The following PPP6R2 variants were observed in gnomAD, a reference collection of about 807,000 sequenced individuals.
PPP6R2 encodes the protein protein phosphatase 6 regulatory subunit 2.
Under a neutral mutation model 100.2 loss-of-function variants are expected in PPP6R2, and 62 were observed. The observed-to-expected ratio is 0.62, with a 90% CI of 0.50 to 0.76. PPP6R2 has a LOEUF of 0.76. Ranked by LOEUF, PPP6R2 falls within the 30% of genes least tolerant of loss-of-function variation. The pLI, the probability that PPP6R2 is intolerant of heterozygous loss-of-function variation, is 0.00. For synonymous variants in PPP6R2, 525 were observed against 514.7 expected (o/e 1.02, Z -0.27); for missense variants, 1,142 against 1,276.3 (o/e 0.89, Z 1.60).
intron 4 of PPP6R2, among the ~76,000 whole-genome samples, chr22:50,411,195 A>T (rs1182778834): frequency 6.6e-6 from 1 of 152,088 alleles, no homozygotes; most frequent in African/African-American, 2.4e-5. Flanking sequence ...GCAGTGGCTC[A>T]CTCCACCCAA....
At chr22:50,442,590 C>G (rs1029106624) in intron 22 of PPP6R2, among the ~76,000 whole-genome samples, 1 of 152,056 alleles carries the variant, frequency 6.6e-6, no homozygotes, top group Non-Finnish European at 1.5e-5. Context: ...TGCTCTGTTG[C>G]CCAGGCTGGA....
rs145492826 is a variant in PPP6R2, at chr22:50,389,847, G to A, written c.-16-4046G>A. Among the ~76,000 whole-genome samples the A allele has an allele frequency of 4.4e-3, 666 of 151,838 alleles. 8 individuals carry two copies. The highest frequency in any genetic ancestry group is 0.015 in the African/African-American group (620 of 41,428). On this transcript the variant is annotated intron_variant, in intron 2 of 23. Coordinates refer to ENST00000612753, the MANE Select transcript of PPP6R2 (RefSeq NM_001242898.2). Reference sequence around the variant, plus strand: ...CAAGTGATCTGCCCGCCTTGGCCCCGCAAAATGCTGGGATTACAGGCATGA... The same window carrying A: ...CAAGTGATCTGCCCGCCTTGGCCCCACAAAATGCTGGGATTACAGGCATGA...
chr22:50,393,467 A>G (rs1459637998), intron 2 of PPP6R2: 9 of 985,048 alleles, frequency 9.1e-6, no homozygotes, highest in Non-Finnish European at 1.1e-5. Context: ...ACCTGGGCGC[A>G]TTCGCCTAAC....
intron 2 of PPP6R2, among the ~76,000 whole-genome samples, chr22:50,376,409 A>T (rs1009510081): frequency 7.2e-5 from 11 of 152,090 alleles, no homozygotes; most frequent in Admixed American, 6.6e-4. Context: ...AACAGACTAT[A>T]AAAAAAGTGT....
chr22:50,418,834 C>G (rs748640954), intron 6 of PPP6R2, 33 bp from the exon 7 acceptor site: 1 of 1,545,932 alleles, frequency 6.5e-7, no homozygotes, highest in Non-Finnish European at 8.9e-7. Context: ...CTTCTCCACA[C>G]TGAGGGACTC....
In PPP6R2 at chr22:50,380,231, C is replaced by CTTT. The variant is rs57158964; in HGVS notation, c.-17+8091_-17+8093dup. On this transcript the variant is annotated intron_variant, in intron 2 of 23. Coordinates refer to ENST00000612753, the MANE Select transcript of PPP6R2 (RefSeq NM_001242898.2). ...AGAAAGAGAAGGTGCCAGTCTTTTT[C>CTTT]TTTTTTTTTTTTGGTATTTTTAGTA... Among the ~76,000 whole-genome samples, 282 of 142,694 alleles carry CTTT rather than the reference C, an allele frequency of 2.0e-3. 1 individual carries two copies. The highest frequency in any genetic ancestry group is 0.012 in the East Asian group (61 of 4,920). The allele number at this position is 142,694 out of a possible 152,430, so 93.6% of individuals were successfully genotyped here.
At chr22:50,436,198 T>C (rs951535629) in intron 13 of PPP6R2, among the ~76,000 whole-genome samples, 169 bp from the exon 14 acceptor site, 3 of 152,234 alleles carry the variant, frequency 2.0e-5, no homozygotes, top group Non-Finnish European at 4.4e-5. Context: ...GCGGCTATGC[T>C]GCCTCTTTCT....
At chr22:50,394,368 T>A (rs1603091426) in intron 3 of PPP6R2, among the ~76,000 whole-genome samples, 1 of 147,620 alleles carries the variant, frequency 6.8e-6, no homozygotes, top group Non-Finnish European at 1.5e-5. Flanking sequence ...GCTGAGGAGG[T>A]TGGATTAATT....
Position 50,418,989 on chromosome 22 carries a change from G to A in PPP6R2, c.731+10G>A, listed in dbSNP as rs530532872. The A allele has an allele frequency of 1.9e-6, 3 of 1,599,758 alleles. No individual in the cohort carries two copies. The highest frequency in any genetic ancestry group is 2.6e-6 in the Non-Finnish European group (3 of 1,167,136). On this transcript the variant is annotated intron_variant, in intron 7 of 23. Transcript: ENST00000612753. ...TCACAGCGCTGGAGTCGTGAGTGCTGGTGGGCCGTGGTGCTGGTGGGCCTC... is the reference window on the plus strand; with the variant it reads ...TCACAGCGCTGGAGTCGTGAGTGCTAGTGGGCCGTGGTGCTGGTGGGCCTC...
At chr22:50,437,640 G>A in intron 16 of PPP6R2, 37 bp downstream of exon 16, 1 of 1,529,350 alleles carries the variant, frequency 6.5e-7, no homozygotes, top group Non-Finnish European at 9.1e-7. Flanking sequence ...ACGAGGCGCG[G>A]CTCTCCCTGC....
intron 7 of PPP6R2, 68 bp from the exon 8 acceptor site, chr22:50,419,281 G>A (rs1368912612): frequency 2.1e-6 from 3 of 1,401,520 alleles, no homozygotes; most frequent in Non-Finnish European, 3.0e-6. Flanking sequence ...GGGGAGGAAG[G>A]AGCATCCTTG....
intron 12 of PPP6R2, 22 bp from the exon 13 acceptor site, chr22:50,434,944 C>T (rs754283181): frequency 8.2e-6 from 13 of 1,590,768 alleles, no homozygotes; most frequent in South Asian, 6.7e-5. Context: ...GAGGCCGCCC[C>T]GATGGTGCCT....
upstream of PPP6R2, chr22:50,343,241 C>G (rs975580145): frequency 6.6e-6 from 1 of 150,684 alleles, no homozygotes; most frequent in Admixed American, 6.6e-5. Context: ...CCCGGCCCCG[C>G]CCACCCGCGC....
chr22:50,396,882 G>A (rs915664246), intron 3 of PPP6R2, among the ~76,000 whole-genome samples: 17 of 152,192 alleles, frequency 1.1e-4, no homozygotes, highest in African/African-American at 4.1e-4. Flanking sequence ...GGCAGCTGCA[G>A]CCAGAAGCTG....
intron 21 of PPP6R2, among the ~76,000 whole-genome samples, chr22:50,440,537 A>T (rs1457546995): frequency 1.3e-5 from 2 of 152,182 alleles, no homozygotes; most frequent in Non-Finnish European, 2.9e-5. Flanking sequence ...CTGTGGCAGG[A>T]CCACACGAGG....
chr22:50,337,421 TGG>T, the PPP6R2 span, among the ~76,000 whole-genome samples: 1 of 120,174 alleles, frequency 8.3e-6, no homozygotes. Context: ...GTGGTGTGTG[TGG>T]GGTGTGTGTG....
At chr22:50,410,035 TTTTTTG>T (rs1157010966) in intron 4 of PPP6R2, among the ~76,000 whole-genome samples, 3 of 152,122 alleles carry the variant, frequency 2.0e-5, no homozygotes, top group Non-Finnish European at 4.4e-5. Flanking sequence ...GCCTATTTTG[TTTTTTG>T]TTTTTATTTT....
chr22:50,353,795 A>G (rs995986511), intron 1 of PPP6R2, among the ~76,000 whole-genome samples: 1 of 149,890 alleles, frequency 6.7e-6, no homozygotes, highest in African/African-American at 2.5e-5. Flanking sequence ...TACCCCAGGT[A>G]GTGTGACTCA....
upstream of PPP6R2, among the ~76,000 whole-genome samples, chr22:50,338,333 G>C (rs939870219): frequency 7.4e-6 from 1 of 135,410 alleles, no homozygotes; most frequent in Non-Finnish European, 1.6e-5. Context: ...TGTGTGTGTG[G>C]TATATGTAGT....
Sources: gnomAD v4.1 joint callset for allele counts (sites outside exome capture counted in the v4.1 genomes callset) on GRCh38, gnomAD v4.1.1 for gene constraint, MANE v1.5 for transcripts, NCBI Gene and HGNC (gene_info 2026-07-23, HGNC 2026-07-21) for gene names.